Variants in DNAH12 observed in about 807,000 individuals in gnomAD.
DNAH12 encodes axonemal beta dynein heavy chain 12.
In DNAH12, 285 loss-of-function variants were observed where a neutral mutation model predicts 371.5. The observed-to-expected ratio is 0.77, with a 90% CI of 0.70 to 0.85. The LOEUF is 0.85. Among genes scored for constraint, DNAH12 ranks in the 40% least tolerant of loss-of-function variants. DNAH12 has a pLI of 0.00. For synonymous variants in DNAH12, 1,200 were observed against 1,213.0 expected (o/e 0.99, Z 0.22); for missense variants, 3,611 against 3,689.4 (o/e 0.98, Z 0.55).
intron 19 of DNAH12, among the ~76,000 whole-genome samples, 175 bp from the exon 20 acceptor site, chr3:57,459,961 G>A (rs2066009564): frequency 2.0e-5 from 3 of 151,870 alleles, no homozygotes; most frequent in South Asian, 2.1e-4. Context: ...GAGGTCTGAA[G>A]TTTTCCTAAA....
chr3:57,367,453 T>G (rs2063076101), intron 56 of DNAH12, among the ~76,000 whole-genome samples: 1 of 152,244 alleles, frequency 6.6e-6, no homozygotes, highest in Non-Finnish European at 1.5e-5. Flanking sequence ...TCATAGAGCT[T>G]TGTAAATCAA....
intron 25 of DNAH12, among the ~76,000 whole-genome samples, chr3:57,449,289 G>A (rs1378636239): frequency 6.6e-6 from 1 of 152,248 alleles, no homozygotes; most frequent in East Asian, 1.9e-4. Context: ...TTCACCTAGT[G>A]GATCCCACAC....
At chr3:57,535,317 T>C (rs1240986583) in intron 2 of DNAH12, among the ~76,000 whole-genome samples, 3 of 152,176 alleles carry the variant, frequency 2.0e-5, no homozygotes, top group East Asian at 1.9e-4. Context: ...GCCCTCATGA[T>C]TGGATCAATG....
At chr3:57,376,634 A>G (rs1489084231) in intron 53 of DNAH12, among the ~76,000 whole-genome samples, 1 of 152,194 alleles carries the variant, frequency 6.6e-6, no homozygotes, top group African/African-American at 2.4e-5. Flanking sequence ...AAATTTAACC[A>G]ATGAACCATG....
At chr3:57,424,901 A>G in intron 35 of DNAH12, 121 bp downstream of exon 35, 1 of 552,504 alleles carries the variant, frequency 1.8e-6, no homozygotes, top group Non-Finnish European at 3.2e-6. Context: ...GTCTCCAGCT[A>G]TTCTTTCAAT....
chr3:57,428,784 T>A lies in DNAH12; in HGVS notation c.5102A>T (p.Glu1701Val). ...TVSRCGMIYL[E>V]PSQLGWEPLV... The stretch of plus-strand genomic sequence containing the variant: ...TGGTTCCCATCCTAACTGTGAAGGC[T>A]CCAAATAAATCATACCACAACGACT... Residue 1701 changes from glutamate (E) to valine (V), a missense_variant, in exon 34 of 74, where the codon GAG becomes GTG. Coordinates refer to ENST00000495027, the MANE Select transcript of DNAH12 (RefSeq NM_001366028.2). The A allele has an allele frequency of 6.5e-7, 1 of 1,546,150 alleles. No homozygotes were observed. Among genetic ancestry groups the A allele is most frequent in the Non-Finnish European group, 8.7e-7 (1 of 1,145,728 alleles).
chr3:57,450,335 G>C (rs768624551), intron 25 of DNAH12, among the ~76,000 whole-genome samples: 1 of 151,164 alleles, frequency 6.6e-6, no homozygotes, highest in African/African-American at 2.4e-5. Context: ...GATCACCTGA[G>C]GTAGGGAGTT....
At chr3:57,428,261 A>G (rs748540444) in intron 34 of DNAH12, 1 of 795,088 alleles carries the variant, frequency 1.3e-6, no homozygotes. Context: ...GCAATTTGTT[A>G]TGACAGCCCT....
chr3:57,533,068 T>C (rs1359453826), intron 2 of DNAH12, among the ~76,000 whole-genome samples: 1 of 152,180 alleles, frequency 6.6e-6, no homozygotes, highest in Non-Finnish European at 1.5e-5. Flanking sequence ...CTTCCTACTT[T>C]TCCCTCCCCT....
intron 2 of DNAH12, among the ~76,000 whole-genome samples, chr3:57,535,943 T>C (rs548702280): frequency 2.2e-4 from 34 of 152,126 alleles, no homozygotes; most frequent in African/African-American, 8.2e-4. Flanking sequence ...TTCAAGTGAT[T>C]CTCCTGCCTC....
At chr3:57,349,281 C>T (rs1264904312) in intron 60 of DNAH12, among the ~76,000 whole-genome samples, 4 of 152,126 alleles carry the variant, frequency 2.6e-5, no homozygotes, top group African/African-American at 9.7e-5. Flanking sequence ...AACATGATAC[C>T]ACCTCACTCC....
At chr3:57,427,933 GT>G (rs78378789) in intron 34 of DNAH12, among the ~76,000 whole-genome samples, 23 of 148,468 alleles carry the variant, frequency 1.5e-4, no homozygotes, top group African/African-American at 2.2e-4. Flanking sequence ...TGGTTTTGGG[GT>G]TTTTTTTTTT....
At chr3:57,391,716 GT>G in intron 45 of DNAH12, among the ~76,000 whole-genome samples, 155 bp downstream of exon 45, 1 of 152,284 alleles carries the variant, frequency 6.6e-6, no homozygotes, top group East Asian at 1.9e-4. Context: ...GGATCATGTA[GT>G]CTTATCAGTC....
At chr3:57,326,960 A>C (rs577763343) in intron 62 of DNAH12, among the ~76,000 whole-genome samples, 2 of 152,334 alleles carry the variant, frequency 1.3e-5, no homozygotes, top group East Asian at 3.9e-4. Flanking sequence ...AAAGAGACAA[A>C]GAAGGCTATT....
chr3:57,463,158 C>T (rs951730976), intron 17 of DNAH12, among the ~76,000 whole-genome samples: 2 of 151,796 alleles, frequency 1.3e-5, no homozygotes, highest in African/African-American at 4.8e-5. Flanking sequence ...CCTGTAATCC[C>T]AGCACTTTGG....
upstream of DNAH12, among the ~76,000 whole-genome samples, chr3:57,546,524 G>A (rs527801647): frequency 1.3e-5 from 2 of 152,218 alleles, no homozygotes; most frequent in African/African-American, 4.8e-5. Flanking sequence ...AAAATATTTT[G>A]TTGGGACAGT....
intron 65 of DNAH12, among the ~76,000 whole-genome samples, chr3:57,321,185 T>A (rs189952415): frequency 3.3e-5 from 5 of 152,258 alleles, no homozygotes; most frequent in African/African-American, 1.2e-4. Flanking sequence ...TGGATGAGGA[T>A]TAGACACCAT....
chr3:57,386,818 AATCAAGTGAGATCCT>A (rs2063507823), intron 46 of DNAH12, among the ~76,000 whole-genome samples: 1 of 152,248 alleles, frequency 6.6e-6, no homozygotes, highest in African/African-American at 2.4e-5. Context: ...AAAAGGCACA[AATCAAGTGAGATCCT>A]ATCTTTTAAA....
At chr3:57,401,599 A>G (rs1164699385) in intron 43 of DNAH12, among the ~76,000 whole-genome samples, 2 of 150,064 alleles carry the variant, frequency 1.3e-5, no homozygotes, top group East Asian at 1.9e-4. Context: ...GAAGAAGAAG[A>G]AAGACATAAA....
Sources: allele counts gnomAD v4.1 joint callset (sites outside exome capture counted in the v4.1 genomes callset), GRCh38; gene constraint gnomAD v4.1.1; transcripts MANE v1.5; gene names NCBI Gene and HGNC (gene_info 2026-07-23, HGNC 2026-07-21).